Variants in TAF3 observed in about 807,000 individuals in gnomAD.
The protein encoded by TAF3 is TATA-box binding protein associated factor 3, also known as transcription initiation factor TFIID subunit 3.
In TAF3, 7 loss-of-function variants were observed where a neutral mutation model predicts 80.6. The observed-to-expected ratio is 0.09, with a 90% CI of 0.05 to 0.16. The LOEUF (loss-of-function observed/expected upper bound fraction) is 0.16. Ranked by LOEUF, TAF3 falls within the 10% of genes least tolerant of loss-of-function variation. The pLI is 1.00. For synonymous variants in TAF3, 444 were observed against 446.1 expected, an observed-to-expected ratio of 1.00 and a Z score of 0.06; for missense variants, 921 against 1,140.2, an observed-to-expected ratio of 0.81 and a Z score of 2.77.
At chr10:7,858,014 A>C (rs1837099884) in intron 2 of TAF3, among the ~76,000 whole-genome samples, 1 of 149,302 alleles carries the variant, frequency 6.7e-6, no homozygotes, top group Admixed American at 6.8e-5. Context: ...TTGAGGATTT[A>C]TGGAGTTGAC....
chr10:7,975,924 C>T (rs1189266843), intron 3 of TAF3, among the ~76,000 whole-genome samples: 1 of 152,160 alleles, frequency 6.6e-6, no homozygotes, highest in Non-Finnish European at 1.5e-5. Context: ...TGACATTAAA[C>T]ATCTGGCAGT....
At chr10:7,870,702 A>T (rs533391179) in intron 2 of TAF3, among the ~76,000 whole-genome samples, 6 of 151,870 alleles carry the variant, frequency 4.0e-5, no homozygotes, top group African/African-American at 1.4e-4. Flanking sequence ...GCCTTCCTTC[A>T]CTTCTTCTCT....
At chr10:7,885,876 G>A (rs982285288) in intron 2 of TAF3, among the ~76,000 whole-genome samples, 3 of 152,056 alleles carry the variant, frequency 2.0e-5, no homozygotes, top group Admixed American at 6.6e-5. Context: ...CCTGTTTTTA[G>A]GGTTTTAAGT....
chr10:7,964,855 A>G lies in TAF3; in HGVS notation c.1345A>G (p.Thr449Ala), dbSNP rs1588569091. ...GAACAATTTCACAAAGTCAGGATCC[A>G]CTCCTCTGCCTCTTTCCGGTGGAAC... Reference protein sequence around the residue: ...SANNFTKSGSTPLPLSGGTSS... With the variant: ...SANNFTKSGSAPLPLSGGTSS... Residue 449 changes from threonine (T) to alanine (A), a missense_variant, in exon 3 of 7, where the codon ACT becomes GCT. Transcript: ENST00000344293. This position sits in a 1 kb window ranked among gnomAD's most constrained non-coding sequence, Gnocchi z 4.1. The G allele has an allele frequency of 2.5e-6, 4 of 1,613,772 alleles. No individual in the cohort carries two copies. The South Asian group carries it at 3.3e-5, about 13-fold the overall frequency.
chr10:8,009,344 G>C lies in TAF3; in HGVS notation c.2568+14G>C. ...AGCACCTACGTGGTGCGTACCTGCC[G>C]CCCGCGCGGTTAGCATGGAGACGTT... On this transcript the variant is annotated intron_variant, in intron 5 of 6. Transcript: ENST00000344293. The surrounding 1 kb of genome is among the most constrained non-coding windows in gnomAD (Gnocchi z 4.1). The C allele has an allele frequency of 1.3e-6, 2 of 1,586,914 alleles. No individual in the cohort carries two copies. Among genetic ancestry groups the C allele is most frequent in the East Asian group, 2.4e-5 (1 of 42,088 alleles).
intron 2 of TAF3, among the ~76,000 whole-genome samples, chr10:7,960,016 A>G (rs950530508): frequency 2.0e-5 from 3 of 152,166 alleles, no homozygotes; most frequent in Non-Finnish European, 2.9e-5. Flanking sequence ...GAGCTGAGCT[A>G]TATCCAGATT....
At chr10:8,007,445 G>T (rs181116902) in intron 4 of TAF3, among the ~76,000 whole-genome samples, 9 of 151,460 alleles carry the variant, frequency 5.9e-5, no homozygotes, top group Admixed American at 5.9e-4. Flanking sequence ...TCTTAGGGCA[G>T]TGGTTGCTCT....
intron 2 of TAF3, among the ~76,000 whole-genome samples, chr10:7,947,146 C>T (rs2131400678): frequency 6.6e-6 from 1 of 152,322 alleles, no homozygotes; most frequent in East Asian, 1.9e-4. Context: ...AACTCATTGG[C>T]TGTCCCATCT....
chr10:7,867,033 CG>C (rs1262456647), intron 2 of TAF3, among the ~76,000 whole-genome samples: 1 of 152,066 alleles, frequency 6.6e-6, no homozygotes, highest in Admixed American at 6.6e-5. Flanking sequence ...CCGAGGCAGG[CG>C]GATCACCTGA....
chr10:7,862,184 T>C (rs1040614276), intron 2 of TAF3, among the ~76,000 whole-genome samples: 1 of 152,248 alleles, frequency 6.6e-6, no homozygotes, highest in African/African-American at 2.4e-5. Context: ...CTTTATGTTC[T>C]TGAACATAGT....
intron 2 of TAF3, among the ~76,000 whole-genome samples, chr10:7,867,338 G>GAAAA (rs1837223923): frequency 1.3e-5 from 2 of 152,172 alleles, no homozygotes; most frequent in Admixed American, 6.5e-5. Context: ...AAATTATTTT[G>GAAAA]TATTTTAGAG....
At chr10:7,914,339 T>G (rs571789382) in intron 2 of TAF3, among the ~76,000 whole-genome samples, 1 of 152,352 alleles carries the variant, frequency 6.6e-6, no homozygotes, top group Non-Finnish European at 1.5e-5. Flanking sequence ...GTTAACCCCT[T>G]GGGGGAGATA....
chr10:7,900,852 A>G (rs1837551337), intron 2 of TAF3, among the ~76,000 whole-genome samples: 1 of 152,196 alleles, frequency 6.6e-6, no homozygotes, highest in Non-Finnish European at 1.5e-5. Flanking sequence ...TTTCTCCTAC[A>G]TTAGCAGATC....
chr10:8,004,496 A>C (rs1040081729), intron 4 of TAF3, among the ~76,000 whole-genome samples: 4 of 152,096 alleles, frequency 2.6e-5, no homozygotes, highest in African/African-American at 7.2e-5. Flanking sequence ...GCTGGTGGCA[A>C]ATTCTTAGCT....
rs145696913 is a variant in TAF3, at chr10:8,001,210, C to T, written c.2316-7868C>T. Among the ~76,000 whole-genome samples the T allele has an allele frequency of 3.8e-3, 575 of 152,274 alleles. 3 individuals are homozygous for T. Among genetic ancestry groups the T allele is most frequent in the African/African-American group, 0.012 (507 of 41,554 alleles). On this transcript the variant is annotated intron_variant, in intron 4 of 6. Transcript: ENST00000344293. ...TGGAATTGCTGGTAAAGAGCTTGCACGTTTTTAAGTTTTCCATAATCATTC... is the reference window on the plus strand; with the variant it reads ...TGGAATTGCTGGTAAAGAGCTTGCATGTTTTTAAGTTTTCCATAATCATTC...
chr10:7,910,834 G>C (rs939223098), intron 2 of TAF3, among the ~76,000 whole-genome samples: 22 of 152,154 alleles, frequency 1.4e-4, no homozygotes, highest in African/African-American at 5.3e-4. Flanking sequence ...AACCAGACTA[G>C]ATTTTTTAAA....
intron 2 of TAF3, among the ~76,000 whole-genome samples, chr10:7,916,632 A>G (rs189006078): frequency 3.9e-5 from 6 of 151,938 alleles, no homozygotes; most frequent in African/African-American, 1.5e-4. Context: ...TTTTAAAAAT[A>G]AAGTGTATAT....
chr10:7,933,152 AG>A (rs1837885062), intron 2 of TAF3, among the ~76,000 whole-genome samples: 1 of 152,202 alleles, frequency 6.6e-6, no homozygotes, highest in Non-Finnish European at 1.5e-5. Flanking sequence ...ATTCTCTTCA[AG>A]ATTACCTTTA....
intron 4 of TAF3, among the ~76,000 whole-genome samples, chr10:7,988,572 CAAAAAAAAAAAAA>C (rs58825999): frequency 2.8e-4 from 14 of 49,268 alleles, no homozygotes; most frequent in East Asian, 8.5e-4. Context: ...GACCCTGTCT[CAAAAAAAAAAAAA>C]AAAAAAAAAA....
Sources: gnomAD v4.1 joint callset for allele counts (sites outside exome capture counted in the v4.1 genomes callset) on GRCh38, gnomAD v4.1.1 for gene constraint, Gnocchi (gnomAD v3.1) non-coding constraint, MANE v1.5 for transcripts, NCBI Gene and HGNC (gene_info 2026-07-23, HGNC 2026-07-21) for gene names.